Variants in GPC6 observed in about 807,000 individuals in gnomAD.
The protein encoded by GPC6 is glypican-6.
GPC6 carries 14 observed loss-of-function variants against 55.2 expected under a neutral mutation model. The observed-to-expected ratio is 0.25, with a 90% CI of 0.17 to 0.40. GPC6 has a LOEUF of 0.40. Ranked by LOEUF, GPC6 falls within the 10% of genes least tolerant of loss-of-function variation. GPC6 has a pLI of 1.00. For missense variants in GPC6, 641 were observed against 708.5 expected, an observed-to-expected ratio of 0.90 and a Z score of 1.08; for synonymous variants, 278 against 259.6, an observed-to-expected ratio of 1.07 and a Z score of -0.68.
chr13:94,108,925 A>C (rs562125162), intron 4 of GPC6, among the ~76,000 whole-genome samples: 1 of 152,280 alleles, frequency 6.6e-6, no homozygotes, highest in East Asian at 1.9e-4. Context: ...TAGTGGCCTC[A>C]CTGGTGGCCA....
At chr13:93,496,374 G>C (rs1323735029) in intron 1 of GPC6, among the ~76,000 whole-genome samples, 1 of 152,182 alleles carries the variant, frequency 6.6e-6, no homozygotes. Flanking sequence ...GCCTCGCCCT[G>C]CTTCGGCTCG....
intron 1 of GPC6, among the ~76,000 whole-genome samples, chr13:93,366,273 G>C (rs1280426561): frequency 1.3e-5 from 2 of 152,068 alleles, no homozygotes; most frequent in East Asian, 3.9e-4. Flanking sequence ...GCAAATAGAA[G>C]TGCTAGACAG....
At chr13:93,319,314 G>A (rs1401277726) in intron 1 of GPC6, among the ~76,000 whole-genome samples, 2 of 152,084 alleles carry the variant, frequency 1.3e-5, no homozygotes, top group African/African-American at 4.8e-5. Flanking sequence ...TGTTTGGAGT[G>A]TGCTCTGACA....
intron 3 of GPC6, among the ~76,000 whole-genome samples, chr13:93,920,951 T>C (rs1877537312): frequency 6.6e-6 from 1 of 152,210 alleles, no homozygotes. Flanking sequence ...TCTTGTGGTC[T>C]TTAATTATCA....
At chr13:94,201,390 T>C (rs1417383351) in intron 4 of GPC6, among the ~76,000 whole-genome samples, 1 of 152,148 alleles carries the variant, frequency 6.6e-6, no homozygotes. Flanking sequence ...TGGAACCGTA[T>C]GTGCCTGAAA....
intron 4 of GPC6, among the ~76,000 whole-genome samples, chr13:94,105,915 G>A (rs1886036949): frequency 1.3e-5 from 2 of 151,992 alleles, no homozygotes; most frequent in African/African-American, 2.4e-5. Context: ...ATTGAAAAGG[G>A]TAGCTCCCAC....
chr13:94,251,793 T>C (rs1891358159), intron 4 of GPC6, among the ~76,000 whole-genome samples: 1 of 152,250 alleles, frequency 6.6e-6, no homozygotes, highest in East Asian at 1.9e-4. Context: ...TGCTATCTTT[T>C]TTTTTCACCA....
At chr13:93,667,653 G>A (rs1326111482) in intron 2 of GPC6, among the ~76,000 whole-genome samples, 1 of 151,014 alleles carries the variant, frequency 6.6e-6, no homozygotes, top group Non-Finnish European at 1.5e-5. Context: ...GGCTGGTCTT[G>A]AACTCCTGAC....
At chr13:94,209,204 A>G (rs1889997799) in intron 4 of GPC6, among the ~76,000 whole-genome samples, 2 of 152,082 alleles carry the variant, frequency 1.3e-5, no homozygotes, top group Non-Finnish European at 2.9e-5. Flanking sequence ...ATTTTTTCTC[A>G]AGAAGGAAGA....
intron 4 of GPC6, among the ~76,000 whole-genome samples, chr13:94,072,407 T>C (rs1431934744): frequency 6.6e-6 from 1 of 152,228 alleles, no homozygotes; most frequent in Middle Eastern, 3.4e-3. Context: ...CAGGCTGGAG[T>C]GCAGTGGCAT....
At chr13:93,486,715 G>A (rs1164696673) in intron 1 of GPC6, among the ~76,000 whole-genome samples, 6 of 152,134 alleles carry the variant, frequency 3.9e-5, no homozygotes, top group African/African-American at 1.4e-4. Context: ...GGGAGGCCAA[G>A]GCAGGTGGAT....
intron 4 of GPC6, among the ~76,000 whole-genome samples, chr13:94,267,799 C>T (rs1246349940): frequency 1.3e-5 from 2 of 152,250 alleles, no homozygotes; most frequent in East Asian, 1.9e-4. Flanking sequence ...CCCGTAGAAA[C>T]GCAAGCTAAT....
At chr13:94,198,371 A>G (rs938084857) in intron 4 of GPC6, among the ~76,000 whole-genome samples, 1 of 152,198 alleles carries the variant, frequency 6.6e-6, no homozygotes, top group Non-Finnish European at 1.5e-5. Flanking sequence ...ATCTTTTAGG[A>G]CCATTACAGG....
At chr13:93,900,203 T>C (rs1876269552) in intron 3 of GPC6, among the ~76,000 whole-genome samples, 1 of 152,174 alleles carries the variant, frequency 6.6e-6, no homozygotes. Context: ...TAAAAATTAT[T>C]AATCCATTAA....
intron 3 of GPC6, among the ~76,000 whole-genome samples, chr13:93,984,208 A>T (rs886528164): frequency 1.3e-5 from 2 of 152,080 alleles, no homozygotes; most frequent in Non-Finnish European, 2.9e-5. Flanking sequence ...TCCCAAATGC[A>T]CATCATCACA....
intron 3 of GPC6, among the ~76,000 whole-genome samples, chr13:93,943,950 A>G (rs149368617): frequency 1.6e-4 from 24 of 152,176 alleles, no homozygotes; most frequent in African/African-American, 5.3e-4. Flanking sequence ...TTTTCTCAAA[A>G]TGACAGAATC....
chr13:94,179,493 G>A (rs1468365369), intron 4 of GPC6, among the ~76,000 whole-genome samples: 2 of 151,902 alleles, frequency 1.3e-5, no homozygotes, highest in African/African-American at 4.8e-5. Flanking sequence ...ATCACTGTTT[G>A]TATACGTGTA....
chr13:93,700,469 G>C (rs185202733), intron 2 of GPC6, among the ~76,000 whole-genome samples: 155 of 152,218 alleles, frequency 1.0e-3, no homozygotes, highest in Non-Finnish European at 9.6e-4. Context: ...GACCAATCCA[G>C]CAAGACTTAC....
intron 3 of GPC6, among the ~76,000 whole-genome samples, chr13:93,865,938 T>C (rs1388224136): frequency 6.6e-6 from 1 of 151,684 alleles, no homozygotes; most frequent in African/African-American, 2.4e-5. Flanking sequence ...GTCACATGAT[T>C]TGAATCAAAC....
Sources: allele counts gnomAD v4.1 joint callset (sites outside exome capture counted in the v4.1 genomes callset), GRCh38; gene constraint gnomAD v4.1.1; transcripts MANE v1.5; gene names NCBI Gene and HGNC (gene_info 2026-07-23, HGNC 2026-07-21).